The following CAGE1 variants were observed in gnomAD, a reference collection of about 807,000 sequenced individuals.
The protein encoded by CAGE1 is cancer-associated gene 1 protein.
CAGE1 carries 66 observed loss-of-function variants against 94.9 expected under a neutral mutation model. That is an observed-to-expected ratio of 0.70 (90% CI 0.57 to 0.85). CAGE1 has a LOEUF of 0.85. Among genes scored for constraint, CAGE1 ranks in the 40% least tolerant of loss-of-function variants. The pLI is 0.00. For missense variants in CAGE1, 865 were observed against 950.4 expected (o/e 0.91, Z 1.18); for synonymous variants, 319 against 321.0 (o/e 0.99, Z 0.07).
intron 11 of CAGE1, among the ~76,000 whole-genome samples, chr6:7,335,393 CAA>C (rs1389740444): frequency 6.6e-6 from 1 of 152,166 alleles, no homozygotes; most frequent in African/African-American, 2.4e-5. Context: ...GGTCTAAACT[CAA>C]ACGCCTGTAG....
chr6:7,346,253 AT>A (rs1759528246), intron 11 of CAGE1, among the ~76,000 whole-genome samples: 1 of 152,134 alleles, frequency 6.6e-6, no homozygotes, highest in Non-Finnish European at 1.5e-5. Context: ...ACTAGATTTG[AT>A]TTTTTAAAAA....
intron 11 of CAGE1, among the ~76,000 whole-genome samples, chr6:7,345,599 T>G (rs1286607686): frequency 6.6e-6 from 1 of 152,224 alleles, no homozygotes; most frequent in Non-Finnish European, 1.5e-5. Flanking sequence ...GCTTTCATAG[T>G]AAACAGCTGT....
intron 9 of CAGE1, among the ~76,000 whole-genome samples, chr6:7,365,264 C>T (rs1203949312): frequency 1.6e-4 from 24 of 152,088 alleles, no homozygotes; most frequent in Admixed American, 1.2e-3. Context: ...TTAACAGAAA[C>T]GAGGTAGGAC....
At chr6:7,347,111 T>C (rs1759577146) in intron 11 of CAGE1, among the ~76,000 whole-genome samples, 1 of 152,160 alleles carries the variant, frequency 6.6e-6, no homozygotes. Flanking sequence ...ATTGCAGTTC[T>C]GACTAGGATG....
chr6:7,378,343 G>C (rs1414085782), intron 4 of CAGE1, among the ~76,000 whole-genome samples: 1 of 152,078 alleles, frequency 6.6e-6, no homozygotes, highest in Non-Finnish European at 1.5e-5. Context: ...GATTTTACTA[G>C]AAAAATTTAT....
At chr6:7,355,160 T>G in intron 10 of CAGE1, 49 bp from the exon 11 acceptor site, 1 of 1,355,514 alleles carries the variant, frequency 7.4e-7, no homozygotes, top group South Asian at 1.3e-5. Flanking sequence ...AGAATTTTTA[T>G]TTTTTTCTTT....
In CAGE1 at chr6:7,370,055, GT is replaced by G; in HGVS notation, c.1756del (p.Thr586ArgfsTer17). 1 of 1,602,256 alleles carries G rather than the reference GT, an allele frequency of 6.2e-7. No homozygotes were observed. Among genetic ancestry groups the G allele is most frequent in the Admixed American group, 1.8e-5 (1 of 57,044 alleles). On this transcript the variant is annotated frameshift_variant, in exon 6 of 14. Transcript: ENST00000502583. LOFTEE classifies it high-confidence loss of function. ...LKSDITKDTK[T>X]THSNLLPDCS... is the part of the protein sequence containing the mutation. ...ATCCGGGAGCAGATTAGAATGTGTC[GT>G]TTTTGTATCCTACATGCACGTAATT...
intron 7 of CAGE1, 146 bp from the exon 8 acceptor site, chr6:7,366,030 C>G: frequency 1.1e-5 from 6 of 540,054 alleles, no homozygotes; most frequent in Non-Finnish European, 1.9e-5. Context: ...TGGATCACCT[C>G]AGGTCAGGAG....
At chr6:7,382,490 C>T (rs908978203) in intron 3 of CAGE1, among the ~76,000 whole-genome samples, 1 of 151,204 alleles carries the variant, frequency 6.6e-6, no homozygotes, top group African/African-American at 2.4e-5. Flanking sequence ...TTAGTAGAGG[C>T]GGGGGTTTCA....
chr6:7,359,016 G>A (rs537693105), intron 9 of CAGE1, among the ~76,000 whole-genome samples: 6 of 152,134 alleles, frequency 3.9e-5, no homozygotes, highest in East Asian at 1.9e-4. Context: ...ATTCTAAAAC[G>A]GGTGAGTGGT....
intron 11 of CAGE1, among the ~76,000 whole-genome samples, chr6:7,334,486 T>G (rs556637643): frequency 4.6e-5 from 7 of 152,102 alleles, no homozygotes; most frequent in Non-Finnish European, 1.0e-4. Flanking sequence ...CCCAGCACTT[T>G]GGGAGGCTGA....
chr6:7,378,157 TTTTG>T (rs1287625661), intron 4 of CAGE1, among the ~76,000 whole-genome samples: 1 of 152,228 alleles, frequency 6.6e-6, no homozygotes, highest in Non-Finnish European at 1.5e-5. Flanking sequence ...GTAGCCATTC[TTTTG>T]TTTCTTTACT....
chr6:7,328,115 G>A (rs556120657), intron 13 of CAGE1, among the ~76,000 whole-genome samples: 68 of 152,182 alleles, frequency 4.5e-4, no homozygotes, highest in African/African-American at 1.5e-3. Flanking sequence ...CCCATGTCCT[G>A]GAATGGGACA....
intron 11 of CAGE1, among the ~76,000 whole-genome samples, chr6:7,345,183 G>A (rs954439735): frequency 9.8e-5 from 13 of 132,182 alleles, no homozygotes; most frequent in African/African-American, 3.0e-4. Flanking sequence ...GACACTCCTT[G>A]TGAAGGTTTG....
Position 7,387,112 on chromosome 6 carries a change from T to A in CAGE1, c.62A>T (p.Asp21Val). The change falls in exon 2 of 14, where the codon GAT (aspartate) becomes GTT (valine). Residue 21 changes from aspartate to valine, a missense_variant. Coordinates refer to ENST00000502583, the MANE Select transcript of CAGE1 (RefSeq NM_001170692.2). ...GCTTTCTACTTTTTCATGAGAAGTATCCACTTCAAAATGTACAGGATCTGA... is the reference window on the plus strand; with the variant it reads ...GCTTTCTACTTTTTCATGAGAAGTAACCACTTCAAAATGTACAGGATCTGA... ...SPSDPVHFEV[D>V]TSHEKVESMS... 1 of 1,551,316 alleles carries A rather than the reference T, an allele frequency of 6.4e-7. No individual in the cohort carries two copies. The highest frequency in any genetic ancestry group is 1.2e-5 in the South Asian group (1 of 84,050).
At chr6:7,344,410 C>A (rs893550375) in intron 11 of CAGE1, among the ~76,000 whole-genome samples, 1 of 152,366 alleles carries the variant, frequency 6.6e-6, no homozygotes, top group East Asian at 1.9e-4. Flanking sequence ...GCCAGCCCAC[C>A]GGCGCTGTGC....
chr6:7,347,409 A>T (rs1759588541), intron 11 of CAGE1: 1 of 149,716 alleles, frequency 6.7e-6, no homozygotes, highest in African/African-American at 2.4e-5. Context: ...AGCGAAATAC[A>T]GGGGTAGAGG....
chr6:7,361,561 C>T (rs1745914810), intron 9 of CAGE1, among the ~76,000 whole-genome samples: 1 of 152,076 alleles, frequency 6.6e-6, no homozygotes, highest in Non-Finnish European at 1.5e-5. Flanking sequence ...ACTAGAGGAA[C>T]AAAAGAACTG....
rs1760190823 is a variant in CAGE1 at position 7,362,274 on chromosome 6, T to A, written c.2193+3194A>T. Among the ~76,000 whole-genome samples the A allele has an allele frequency of 6.6e-6, 1 of 152,252 alleles. No individual in the cohort carries two copies. Among genetic ancestry groups the A allele is most frequent in the African/African-American group, 2.4e-5 (1 of 41,476 alleles). On this transcript the variant is annotated intron_variant, in intron 9 of 13. Coordinates refer to ENST00000502583, the MANE Select transcript of CAGE1 (RefSeq NM_001170692.2). This position sits in a 1 kb window ranked among gnomAD's most constrained non-coding sequence, Gnocchi z 4.1. Reference sequence around the variant, plus strand: ...ACTACTCCATAATACTGGTTAGAGATATCTTATTTGTATTAAAAGTTATCT... The same window carrying A: ...ACTACTCCATAATACTGGTTAGAGAAATCTTATTTGTATTAAAAGTTATCT...
Sources: allele counts gnomAD v4.1 joint callset (sites outside exome capture counted in the v4.1 genomes callset), GRCh38; gene constraint gnomAD v4.1.1; non-coding constraint Gnocchi (gnomAD v3.1); transcripts MANE v1.5; gene names NCBI Gene and HGNC (gene_info 2026-07-23, HGNC 2026-07-21).